Variants in SYNJ2 observed in about 807,000 individuals in gnomAD.
SYNJ2 encodes the protein polyphosphatidylinositol phosphatase SYNJ2.
SYNJ2 carries 116 observed loss-of-function variants against 141.3 expected under a neutral mutation model. The ratio of observed to expected loss-of-function variants is 0.82; its 90% CI spans 0.71 to 0.96. The LOEUF (loss-of-function observed/expected upper bound fraction) is 0.96, where lower values mean the gene tolerates loss of function less well. Ranked by LOEUF, SYNJ2 falls within the 40% of genes least tolerant of loss-of-function variation. The pLI, the probability that SYNJ2 is intolerant of heterozygous loss-of-function variation, is 0.00. For synonymous variants in SYNJ2, 745 were observed against 777.7 expected (o/e 0.96, Z 0.70); for missense variants, 1,873 against 1,934.8 (o/e 0.97, Z 0.60).
At chr6:158,093,747 C>T (rs1783622960) in intron 26 of SYNJ2, 3 of 620,030 alleles carry the variant, frequency 4.8e-6, no homozygotes, top group African/African-American at 3.6e-5. Flanking sequence ...CGCCCATTTG[C>T]GTGTGGTCTG....
intron 1 of SYNJ2, among the ~76,000 whole-genome samples, chr6:157,993,710 CTTTT>C (rs34971762): frequency 4.9e-5 from 2 of 40,558 alleles, no homozygotes; most frequent in African/African-American, 1.1e-4. Flanking sequence ...TCTTGCATAG[CTTTT>C]TTTTTTTTTT....
chr6:158,075,842 C>T (rs1051152722), intron 16 of SYNJ2, among the ~76,000 whole-genome samples: 2 of 152,152 alleles, frequency 1.3e-5, no homozygotes, highest in African/African-American at 4.8e-5. Flanking sequence ...CTCACATCCT[C>T]TCAGTGATGC....
At chr6:158,076,193 A>T (rs1220687920) in intron 16 of SYNJ2, among the ~76,000 whole-genome samples, 1 of 152,158 alleles carries the variant, frequency 6.6e-6, no homozygotes, top group Non-Finnish European at 1.5e-5. Context: ...AGGGGGAGAG[A>T]GAGAGGAGAG....
intron 2 of SYNJ2, chr6:158,017,919 G>A: frequency 2.5e-6 from 1 of 397,368 alleles, no homozygotes; most frequent in South Asian, 1.9e-5. Flanking sequence ...TGTTTCGAAA[G>A]TCTGGTCTGG....
At chr6:158,038,300 A>G (rs958814701) in intron 4 of SYNJ2, among the ~76,000 whole-genome samples, 3 of 151,914 alleles carry the variant, frequency 2.0e-5, no homozygotes, top group Non-Finnish European at 4.4e-5. Context: ...TCCCCACCCA[A>G]CCTTACTCCC....
chr6:158,060,860 G>A (rs1781179078), intron 7 of SYNJ2, among the ~76,000 whole-genome samples: 1 of 152,218 alleles, frequency 6.6e-6, no homozygotes, highest in African/African-American at 2.4e-5. Flanking sequence ...GTGGGCTCCT[G>A]GCCAGGTAGG....
At chr6:158,077,899 A>C (rs1330377180) in intron 17 of SYNJ2, 2 of 250,728 alleles carry the variant, frequency 8.0e-6, no homozygotes, top group East Asian at 1.9e-4. Flanking sequence ...CGGCAGCAAC[A>C]CTGTGTCTCA....
chr6:158,064,172 T>A (rs915723656), intron 9 of SYNJ2, among the ~76,000 whole-genome samples: 1 of 152,322 alleles, frequency 6.6e-6, no homozygotes, highest in South Asian at 2.1e-4. Flanking sequence ...GGATGCACCA[T>A]TGGCCAAAGG....
intron 5 of SYNJ2, among the ~76,000 whole-genome samples, chr6:158,048,915 G>A (rs530040729): frequency 1.6e-4 from 24 of 152,208 alleles, no homozygotes; most frequent in Non-Finnish European, 2.9e-4. Flanking sequence ...GCTGCAAGAG[G>A]TAGAGACACA....
At chr6:158,012,664 G>A (rs564487388) in intron 1 of SYNJ2, among the ~76,000 whole-genome samples, 1 of 152,320 alleles carries the variant, frequency 6.6e-6, no homozygotes, top group African/African-American at 2.4e-5. Flanking sequence ...AAGCCACTGT[G>A]TTTGTAGTCA....
rs572569499 is a variant in SYNJ2 at position 158,094,520 on chromosome 6, G to GTGA, written c.3745-1097_3745-1095dup. On this transcript the variant is annotated intron_variant, in intron 26 of 26. Transcript: ENST00000355585. Reference sequence around the variant, plus strand: ...GGAACATTAGCGCTTGTGCACTAGGGTGAAGTGGAAAATCCTCAGTGGAAC... The same window carrying GTGA: ...GGAACATTAGCGCTTGTGCACTAGGGTGATGAAGTGGAAAATCCTCAGTGGAAC... Among the ~76,000 whole-genome samples the GTGA allele has an allele frequency of 1.8e-4, 27 of 152,274 alleles. No individual in the cohort carries two copies. In the South Asian group the frequency reaches 5.2e-3, roughly 29 times the overall value.
intron 1 of SYNJ2, among the ~76,000 whole-genome samples, chr6:158,004,778 G>A (rs957994307): frequency 6.6e-6 from 1 of 152,126 alleles, no homozygotes; most frequent in Non-Finnish European, 1.5e-5. Context: ...GTAACACCAC[G>A]AGACTGCGTC....
Position 158,089,833 on chromosome 6 carries a change from C to T in SYNJ2, c.3457-6C>T, listed in dbSNP as rs1562407646. ...ATACTCTGCTCTTCCTCATTCTGTC[C>T]TCAAGCCCAAGGCTCGGACTGGAAT... On this transcript the variant is annotated splice_region_variant and splice_polypyrimidine_tract_variant and intron_variant, in intron 24 of 26. Coordinates refer to ENST00000355585, the MANE Select transcript of SYNJ2 (RefSeq NM_003898.4). 1 of 1,611,028 alleles carries T rather than the reference C, an allele frequency of 6.2e-7. No homozygotes were observed. Among genetic ancestry groups the T allele is most frequent in the Admixed American group, 1.7e-5 (1 of 59,816 alleles).
At position 158,092,174 on chromosome 6, in the gene SYNJ2, G is replaced by A. The variant is rs111566766; in HGVS notation, c.3566-752G>A. On this transcript the variant is annotated intron_variant, in intron 25 of 26. Transcript: ENST00000355585. ...AGGTGTGAAATCTACCTACAGTCCC[G>A]GCTTAACACTTTCTTGGTCATGGCC... is the stretch of plus-strand genomic sequence containing the variant. 7.8e-4 allele frequency among the ~76,000 whole-genome samples: 118 copies of A among 151,328 alleles called. 2 individuals carry two copies. The highest frequency in any genetic ancestry group is 2.7e-3 in the African/African-American group (110 of 41,216).
chr6:157,997,287 T>C (rs1777669037), intron 1 of SYNJ2, among the ~76,000 whole-genome samples: 1 of 152,174 alleles, frequency 6.6e-6, no homozygotes, highest in Non-Finnish European at 1.5e-5. Flanking sequence ...CAATCTTATT[T>C]GGAAATAGGG....
intron 2 of SYNJ2, among the ~76,000 whole-genome samples, chr6:158,020,837 G>A (rs776938473): frequency 5.3e-5 from 8 of 152,364 alleles, no homozygotes; most frequent in African/African-American, 1.9e-4. Context: ...TTTGGGACAA[G>A]TTTTCCCTTA....
intron 25 of SYNJ2, among the ~76,000 whole-genome samples, chr6:158,090,542 G>GTTTTTTTT (rs58356198): frequency 1.8e-4 from 20 of 113,934 alleles, no homozygotes; most frequent in South Asian, 3.0e-4. Context: ...TTTTTTTTTT[G>GTTTTTTTT]TTTTTTTTTT....
chr6:158,080,808 TG>T (rs1294053153), intron 18 of SYNJ2, among the ~76,000 whole-genome samples: 1 of 152,210 alleles, frequency 6.6e-6, no homozygotes, highest in African/African-American at 2.4e-5. Flanking sequence ...ATCTTTAAGG[TG>T]CCACACTTTA....
chr6:158,053,319 A>C (rs1437382194), intron 5 of SYNJ2, among the ~76,000 whole-genome samples: 3 of 152,164 alleles, frequency 2.0e-5, no homozygotes, highest in Non-Finnish European at 4.4e-5. Flanking sequence ...TCTATGGGAG[A>C]CACTTTGAGA....
Sources: gnomAD v4.1 joint callset for allele counts (sites outside exome capture counted in the v4.1 genomes callset) on GRCh38, gnomAD v4.1.1 for gene constraint, MANE v1.5 for transcripts, NCBI Gene and HGNC (gene_info 2026-07-23, HGNC 2026-07-21) for gene names.